FSTL5: variants seen among roughly 807,000 people sequenced by gnomAD.
FSTL5 encodes follistatin-related protein 5.
A neutral mutation model predicts 89.1 loss-of-function variants in FSTL5; 62 were observed. The ratio of observed to expected loss-of-function variants is 0.70; its 90% CI spans 0.57 to 0.86. The LOEUF (loss-of-function observed/expected upper bound fraction) is 0.86, where lower values mean the gene tolerates loss of function less well. Among genes scored for constraint, FSTL5 ranks in the 40% least tolerant of loss-of-function variants. FSTL5 has a pLI of 0.00. For synonymous variants in FSTL5, 383 were observed against 346.2 expected, an observed-to-expected ratio of 1.11 and a Z score of -1.18; for missense variants, 1,057 against 1,001.6, an observed-to-expected ratio of 1.06 and a Z score of -0.75.
At chr4:162,021,821 G>A (rs991803488) in intron 3 of FSTL5, among the ~76,000 whole-genome samples, 5 of 151,440 alleles carry the variant, frequency 3.3e-5, no homozygotes, top group African/African-American at 7.3e-5. Context: ...GGCTGGGCAC[G>A]ATGGCTCACA....
chr4:161,893,748 C>T (rs2110763524), intron 4 of FSTL5, among the ~76,000 whole-genome samples: 1 of 152,304 alleles, frequency 6.6e-6, no homozygotes, highest in South Asian at 2.1e-4. Context: ...TAGCACATTG[C>T]TGACTGATTT....
At chr4:161,493,783 G>A (rs573174806) in intron 12 of FSTL5, among the ~76,000 whole-genome samples, 22 of 151,942 alleles carry the variant, frequency 1.4e-4, no homozygotes, top group Non-Finnish European at 1.5e-4. Context: ...AAATGTTGTC[G>A]ATGTATTATC....
At chr4:161,679,476 A>G (rs1179998484) in intron 6 of FSTL5, among the ~76,000 whole-genome samples, 1 of 151,836 alleles carries the variant, frequency 6.6e-6, no homozygotes, top group African/African-American at 2.4e-5. Flanking sequence ...TAAAGCTGGG[A>G]TTTAAATTCC....
intron 12 of FSTL5, among the ~76,000 whole-genome samples, chr4:161,497,030 T>G (rs1468248930): frequency 6.6e-6 from 1 of 152,196 alleles, no homozygotes; most frequent in Non-Finnish European, 1.5e-5. Context: ...AATGTAGCAC[T>G]AAATAGCTTC....
chr4:162,124,827 G>C (rs1395631755), intron 1 of FSTL5, among the ~76,000 whole-genome samples: 1 of 152,132 alleles, frequency 6.6e-6, no homozygotes, highest in Admixed American at 6.5e-5. Context: ...AGCCTCCAGA[G>C]TAGCTGGGAC....
chr4:162,089,026 C>A (rs1730434803), intron 2 of FSTL5, among the ~76,000 whole-genome samples: 1 of 152,022 alleles, frequency 6.6e-6, no homozygotes, highest in Non-Finnish European at 1.5e-5. Flanking sequence ...ATGAATAGAT[C>A]AATGTTATCA....
intron 7 of FSTL5, among the ~76,000 whole-genome samples, chr4:161,591,142 T>A (rs1733806179): frequency 6.6e-6 from 1 of 152,208 alleles, no homozygotes; most frequent in South Asian, 2.1e-4. Context: ...AATAAACCTT[T>A]CTTTTCAGCC....
intron 8 of FSTL5, among the ~76,000 whole-genome samples, chr4:161,583,583 A>C (rs1733506165): frequency 8.8e-6 from 1 of 113,994 alleles, no homozygotes; most frequent in African/African-American, 3.3e-5. Flanking sequence ...CAGTAGAACA[A>C]ATTTTTGACC....
intron 6 of FSTL5, among the ~76,000 whole-genome samples, chr4:161,710,821 C>T (rs569918868): frequency 8.9e-4 from 136 of 152,186 alleles, no homozygotes; most frequent in African/African-American, 3.1e-3. Flanking sequence ...AGCCTTAGAA[C>T]AATCAATAAC....
chr4:161,436,419 G>A (rs961769089), intron 15 of FSTL5, among the ~76,000 whole-genome samples: 1 of 152,062 alleles, frequency 6.6e-6, no homozygotes, highest in African/African-American at 2.4e-5. Flanking sequence ...GTGAATTAAT[G>A]TTCAATTTTC....
At chr4:162,027,658 T>G (rs1197722777) in intron 3 of FSTL5, among the ~76,000 whole-genome samples, 1 of 152,180 alleles carries the variant, frequency 6.6e-6, no homozygotes, top group African/African-American at 2.4e-5. Context: ...GAGCTCATTA[T>G]AATTGAGAAT....
chr4:161,580,962 T>C (rs1487431434), intron 8 of FSTL5, among the ~76,000 whole-genome samples: 1 of 152,114 alleles, frequency 6.6e-6, no homozygotes, highest in African/African-American at 2.4e-5. Flanking sequence ...ATGAATACTG[T>C]CTGCTGTGGG....
In FSTL5 at chr4:161,755,569, A is replaced by C. The variant is rs572709280; in HGVS notation, c.727+3842T>G. On this transcript the variant is annotated intron_variant, in intron 6 of 15. Coordinates refer to ENST00000306100, the MANE Select transcript of FSTL5 (RefSeq NM_020116.5). The stretch of plus-strand genomic sequence containing the variant: ...CTTCTGCCTTAGTTTATCCCTCTGG[A>C]TATTCACTTAAGGCTTTTCTAGCTT... Among the ~76,000 whole-genome samples, 5 of 152,162 alleles carry C rather than the reference A, an allele frequency of 3.3e-5. No homozygotes were observed. In the East Asian group the frequency reaches 9.7e-4, roughly 29 times the overall value.
intron 4 of FSTL5, among the ~76,000 whole-genome samples, chr4:161,823,551 G>A (rs1730567119): frequency 6.6e-6 from 1 of 152,224 alleles, no homozygotes; most frequent in Non-Finnish European, 1.5e-5. Context: ...TGGGAGCAGG[G>A]ACTTCTGAGC....
intron 7 of FSTL5, among the ~76,000 whole-genome samples, chr4:161,650,619 C>A (rs1176024137): frequency 1.3e-5 from 2 of 152,100 alleles, no homozygotes; most frequent in Non-Finnish European, 2.9e-5. Flanking sequence ...AAATGACATA[C>A]ATTTCATTGA....
chr4:161,397,023 G>A (rs1280574677), intron 15 of FSTL5, among the ~76,000 whole-genome samples: 1 of 152,132 alleles, frequency 6.6e-6, no homozygotes, highest in Non-Finnish European at 1.5e-5. Flanking sequence ...AAGGATGGGA[G>A]TAGCACTTTA....
chr4:161,473,649 C>T (rs1734026371), intron 13 of FSTL5, among the ~76,000 whole-genome samples: 1 of 152,052 alleles, frequency 6.6e-6, no homozygotes, highest in African/African-American at 2.4e-5. Flanking sequence ...CCAGGTAGGT[C>T]TTGAACTCCT....
intron 1 of FSTL5, among the ~76,000 whole-genome samples, chr4:162,154,648 C>G (rs2110744158): frequency 6.6e-6 from 1 of 152,156 alleles, no homozygotes; most frequent in African/African-American, 2.4e-5. Context: ...CAGCAGATGA[C>G]CAAACTCTAA....
At chr4:161,733,878 C>A (rs1452708412) in intron 6 of FSTL5, among the ~76,000 whole-genome samples, 1 of 151,888 alleles carries the variant, frequency 6.6e-6, no homozygotes, top group East Asian at 1.9e-4. Context: ...TAGGAGTTAT[C>A]TAGACTAAAC....
Sources: allele counts gnomAD v4.1 joint callset (sites outside exome capture counted in the v4.1 genomes callset), GRCh38; gene constraint gnomAD v4.1.1; transcripts MANE v1.5; gene names NCBI Gene and HGNC (gene_info 2026-07-23, HGNC 2026-07-21).